MS4A13: variants seen among roughly 807,000 people sequenced by gnomAD.
MS4A13 encodes the protein membrane spanning 4-domains A13.
Under a neutral mutation model 18.4 loss-of-function variants are expected in MS4A13, and 21 were observed. The observed-to-expected ratio is 1.14, with a 90% CI of 0.81 to 1.64. MS4A13 has a LOEUF of 1.64. Ranked by LOEUF, MS4A13 falls within the 40% of genes most tolerant of loss-of-function variation. The probability of loss-of-function intolerance (pLI) is 0.00; values close to 1 mark genes in which losing one functional copy is unlikely to be tolerated. For missense variants in MS4A13, 173 were observed against 176.8 expected, an observed-to-expected ratio of 0.98 and a Z score of 0.12; for synonymous variants, 62 against 57.2, an observed-to-expected ratio of 1.08 and a Z score of -0.38.
At chr11:60,517,645 A>G (rs1311776073) in intron 2 of MS4A13, among the ~76,000 whole-genome samples, 1 of 152,216 alleles carries the variant, frequency 6.6e-6, no homozygotes, top group Non-Finnish European at 1.5e-5. Context: ...AAATTCAAAA[A>G]GTGATTCATC....
chr11:60,520,169 G>T (rs1166087566), intron 3 of MS4A13, among the ~76,000 whole-genome samples: 1 of 152,048 alleles, frequency 6.6e-6, no homozygotes, highest in South Asian at 2.1e-4. Context: ...CATGAGGCTG[G>T]GGGGGTGGCG....
chr11:60,519,264 A>C (rs1261564774), intron 3 of MS4A13, among the ~76,000 whole-genome samples: 1 of 152,178 alleles, frequency 6.6e-6, no homozygotes, highest in Non-Finnish European at 1.5e-5. Context: ...AGATGCTGCT[A>C]AATAGCCTGT....
chr11:60,520,999 G>T (rs1219743790), intron 3 of MS4A13, among the ~76,000 whole-genome samples: 1 of 152,208 alleles, frequency 6.6e-6, no homozygotes, highest in Non-Finnish European at 1.5e-5. Context: ...GTACCCGCAG[G>T]CTCAACACCA....
At chr11:60,523,105 G>A (rs2086688673) in intron 3 of MS4A13, among the ~76,000 whole-genome samples, 1 of 152,138 alleles carries the variant, frequency 6.6e-6, no homozygotes, top group Non-Finnish European at 1.5e-5. Context: ...TACCTCCTTA[G>A]AAATCTCAGC....
At chr11:60,522,545 C>T (rs12275819) in intron 3 of MS4A13, among the ~76,000 whole-genome samples, 4 of 152,112 alleles carry the variant, frequency 2.6e-5, no homozygotes, top group African/African-American at 9.7e-5. Context: ...TACAATATGG[C>T]TGCCCATTGA....
chr11:60,525,267 C>G lies in MS4A13; in HGVS notation c.247C>G (p.Leu83Val). The change falls in exon 5 of 7, where the codon CTA (leucine) becomes GTA (valine). Residue 83 changes from leucine (L) to valine (V), a missense_variant. Leu to Val is a conservative substitution (Grantham distance 32, BLOSUM62 1). Transcript: ENST00000378186. ...CIITTITAVT[L>V]TIIELSHFNS... ...AATTACTACAATTACTGCAGTAACTCTAACAATAATAGAGTTGTCTCATTT... is the reference window on the plus strand; with the variant it reads ...AATTACTACAATTACTGCAGTAACTGTAACAATAATAGAGTTGTCTCATTT... 1.3e-6 allele frequency: 2 copies of G among 1,582,628 alleles called. No individual in the cohort carries two copies. The highest frequency in any genetic ancestry group is 1.7e-6 in the Non-Finnish European group (2 of 1,153,598).
chr11:60,524,218 T>C (rs2086697273), intron 4 of MS4A13, among the ~76,000 whole-genome samples: 1 of 152,216 alleles, frequency 6.6e-6, no homozygotes, highest in Admixed American at 6.5e-5. Context: ...TAACATTGTG[T>C]AAACTTTATA....
intron 4 of MS4A13, 82 bp downstream of exon 4, chr11:60,524,035 A>G: frequency 1.2e-6 from 1 of 845,336 alleles, no homozygotes; most frequent in Middle Eastern, 2.3e-4. Flanking sequence ...TATAACGTCT[A>G]AACAATGAAG....
intron 3 of MS4A13, among the ~76,000 whole-genome samples, chr11:60,522,434 A>G (rs1233861641): frequency 6.6e-6 from 1 of 152,108 alleles, no homozygotes; most frequent in South Asian, 2.1e-4. Context: ...AGAAACTGAC[A>G]TGTGATTCAA....
chr11:60,529,522 T>C, intron 6 of MS4A13, 62 bp downstream of exon 6: 1 of 900,892 alleles, frequency 1.1e-6, no homozygotes, highest in Non-Finnish European at 1.7e-6. Flanking sequence ...CTACACTCTA[T>C]GAGAAGATGA....
intron 2 of MS4A13, among the ~76,000 whole-genome samples, chr11:60,516,450 A>T (rs2086638125): frequency 1.3e-5 from 2 of 152,256 alleles, no homozygotes; most frequent in South Asian, 4.1e-4. Flanking sequence ...CCAAGGAATT[A>T]TGAGTATCAT....
At chr11:60,542,392 A>G (rs145194806) in intron 6 of MS4A13, 127 bp from the exon 7 acceptor site, 15 of 501,112 alleles carry the variant, frequency 3.0e-5, no homozygotes, top group Admixed American at 1.4e-4. Flanking sequence ...GGACAGAAAT[A>G]GGATACTTTA....
At chr11:60,541,781 C>T (rs2086860794) in intron 6 of MS4A13, among the ~76,000 whole-genome samples, 1 of 151,992 alleles carries the variant, frequency 6.6e-6, no homozygotes, top group African/African-American at 2.4e-5. Context: ...CCAAAAGATA[C>T]AAGTGATCCA....
At chr11:60,516,826 T>C (rs2086640774) in intron 2 of MS4A13, among the ~76,000 whole-genome samples, 1 of 152,214 alleles carries the variant, frequency 6.6e-6, no homozygotes, top group Admixed American at 6.5e-5. Flanking sequence ...CTCATGGTTT[T>C]ATATAAAACA....
At chr11:60,539,953 C>T (rs1033485497) in intron 6 of MS4A13, among the ~76,000 whole-genome samples, 1 of 152,078 alleles carries the variant, frequency 6.6e-6, no homozygotes, top group Non-Finnish European at 1.5e-5. Context: ...AAAGGAAGTT[C>T]TTTAGACTGA....
chr11:60,524,337 A>C (rs1171863261), intron 4 of MS4A13, among the ~76,000 whole-genome samples: 1 of 152,208 alleles, frequency 6.6e-6, no homozygotes, highest in Non-Finnish European at 1.5e-5. Context: ...GTCCTGTAAC[A>C]AAGTACAGAA....
intron 2 of MS4A13, among the ~76,000 whole-genome samples, 168 bp from the exon 3 acceptor site, chr11:60,517,904 G>C (rs1247090271): frequency 6.6e-6 from 1 of 152,144 alleles, no homozygotes; most frequent in Non-Finnish European, 1.5e-5. Flanking sequence ...AGTCCTTCCT[G>C]ATCGGTCCTT....
chr11:60,542,461 T>C, intron 6 of MS4A13, 58 bp from the exon 7 acceptor site: 2 of 1,146,586 alleles, frequency 1.7e-6, no homozygotes, highest in East Asian at 2.5e-5. Flanking sequence ...GATCTATTTA[T>C]TAGTTGTATA....
Position 60,523,941 on chromosome 11 carries a change from G to C in MS4A13, c.174G>C (p.Pro58=). Residue 58 remains proline, a synonymous_variant, in exon 4 of 7, where the codon CCG becomes CCC. Coordinates refer to ENST00000378186, the MANE Select transcript of MS4A13 (RefSeq NM_001012417.3). ...GVFLIRVTKY[P]TRSGIISTLI... is the part of the protein sequence containing the mutation. Reference sequence around the variant, plus strand: ...TCCTAATAAGAGTAACAAAGTATCCGACTCGATCTGGAGTAAGTTGAAATG... The same window carrying C: ...TCCTAATAAGAGTAACAAAGTATCCCACTCGATCTGGAGTAAGTTGAAATG... 1 of 1,525,980 alleles carries C rather than the reference G, an allele frequency of 6.6e-7. No homozygotes were observed. Among genetic ancestry groups the C allele is most frequent in the Non-Finnish European group, 9.1e-7 (1 of 1,100,730 alleles). 94.5% of individuals were successfully genotyped at this position (1,525,980 alleles called of 1,614,324 possible). A position where few individuals can be genotyped will look rare whatever the true frequency, so the allele number is the denominator to read the frequency against.
Sources: allele counts gnomAD v4.1 joint callset (sites outside exome capture counted in the v4.1 genomes callset), GRCh38; gene constraint gnomAD v4.1.1; transcripts MANE v1.5; gene names NCBI Gene and HGNC (gene_info 2026-07-23, HGNC 2026-07-21).